The following SUGCT variants were observed in gnomAD, a reference collection of about 807,000 sequenced individuals.
SUGCT encodes succinyl-CoA:glutarate-CoA transferase.
SUGCT carries 41 observed loss-of-function variants against 55.0 expected under a neutral mutation model. The ratio of observed to expected loss-of-function variants is 0.74; its 90% CI spans 0.58 to 0.97. The LOEUF is 0.97. SUGCT is among the 50% of genes least tolerant of loss of function. The pLI, the probability that SUGCT is intolerant of heterozygous loss-of-function variation, is 0.00. For synonymous variants in SUGCT, 187 were observed against 200.4 expected, an observed-to-expected ratio of 0.93 and a Z score of 0.56; for missense variants, 568 against 547.8, an observed-to-expected ratio of 1.04 and a Z score of -0.37.
chr7:40,327,184 T>A (rs1298005513), intron 9 of SUGCT, among the ~76,000 whole-genome samples: 2 of 152,216 alleles, frequency 1.3e-5, no homozygotes, highest in Non-Finnish European at 1.5e-5. Context: ...GCCAGGTAGC[T>A]TTTGAATATT....
chr7:40,587,223 G>T (rs983859249), intron 12 of SUGCT, among the ~76,000 whole-genome samples: 5 of 152,128 alleles, frequency 3.3e-5, no homozygotes, highest in African/African-American at 1.2e-4. Flanking sequence ...GGTAGTAGTG[G>T]TTACATGACT....
At chr7:40,509,750 G>A (rs1435516336) in intron 12 of SUGCT, among the ~76,000 whole-genome samples, 1 of 152,012 alleles carries the variant, frequency 6.6e-6, no homozygotes, top group African/African-American at 2.4e-5. Flanking sequence ...AGTTAATCAT[G>A]TTACCACTTG....
chr7:40,792,642 G>T (rs1389437886), intron 13 of SUGCT, among the ~76,000 whole-genome samples: 1 of 152,116 alleles, frequency 6.6e-6, no homozygotes, highest in Non-Finnish European at 1.5e-5. Flanking sequence ...CCATGTAGTT[G>T]ACTGTAGGTG....
intron 12 of SUGCT, among the ~76,000 whole-genome samples, chr7:40,689,119 G>T (rs1784582076): frequency 6.6e-6 from 1 of 152,160 alleles, no homozygotes; most frequent in Non-Finnish European, 1.5e-5. Flanking sequence ...GCTTCTTGTA[G>T]GTTAAGACAT....
At chr7:40,980,343 G>A in the SUGCT span, among the ~76,000 whole-genome samples, 2 of 152,096 alleles carry the variant, frequency 1.3e-5, no homozygotes, top group Non-Finnish European at 2.9e-5. Flanking sequence ...CAAATATTCA[G>A]TCTATAGTAT....
intron 9 of SUGCT, among the ~76,000 whole-genome samples, chr7:40,384,606 A>G (rs1442379775): frequency 1.3e-5 from 2 of 151,486 alleles, no homozygotes; most frequent in African/African-American, 2.4e-5. Context: ...GCTGGAGTGC[A>G]GTAGCATGAT....
intron 9 of SUGCT, among the ~76,000 whole-genome samples, chr7:40,343,621 G>C (rs1797161998): frequency 1.3e-5 from 2 of 151,396 alleles, no homozygotes; most frequent in South Asian, 4.2e-4. Flanking sequence ...CTCTTCCTCT[G>C]AACATTTTTA....
chr7:40,981,603 C>G, the SUGCT span, among the ~76,000 whole-genome samples: 1 of 152,174 alleles, frequency 6.6e-6, no homozygotes, highest in South Asian at 2.1e-4. Flanking sequence ...CAATTTATCT[C>G]TTTCTTCACA....
At chr7:40,204,827 A>G (rs1223793778) in intron 6 of SUGCT, among the ~76,000 whole-genome samples, 7 of 151,520 alleles carry the variant, frequency 4.6e-5, no homozygotes, top group African/African-American at 1.7e-4. Flanking sequence ...CCAGCTACTC[A>G]GGAGGTGGAG....
intron 8 of SUGCT, among the ~76,000 whole-genome samples, chr7:40,284,811 C>A (rs574284984): frequency 6.6e-6 from 1 of 151,706 alleles, no homozygotes; most frequent in East Asian, 1.9e-4. Flanking sequence ...TAAAGACAAA[C>A]CAAAAAAGGA....
At chr7:40,971,523 G>A in the SUGCT span, among the ~76,000 whole-genome samples, 1 of 152,182 alleles carries the variant, frequency 6.6e-6, no homozygotes, top group Non-Finnish European at 1.5e-5. Flanking sequence ...TTTAAAAGGG[G>A]TTTATGCAGA....
intron 12 of SUGCT, among the ~76,000 whole-genome samples, chr7:40,665,303 A>G (rs1801561772): frequency 6.6e-6 from 1 of 151,706 alleles, no homozygotes; most frequent in African/African-American, 2.4e-5. Context: ...TTAGCCAAGC[A>G]TTGTGGCGTG....
At chr7:40,938,349 A>C in the SUGCT span, among the ~76,000 whole-genome samples, 17 of 148,924 alleles carry the variant, frequency 1.1e-4, no homozygotes, top group African/African-American at 4.2e-4. Flanking sequence ...AATATTTTCT[A>C]GTATATCATT....
chr7:40,618,840 T>G (rs925567195), intron 12 of SUGCT, among the ~76,000 whole-genome samples: 17 of 152,180 alleles, frequency 1.1e-4, no homozygotes, highest in African/African-American at 4.1e-4. Flanking sequence ...TAAATCTGAT[T>G]TTTCTGTTTC....
At chr7:40,519,337 A>G (rs1313084124) in intron 12 of SUGCT, among the ~76,000 whole-genome samples, 1 of 151,988 alleles carries the variant, frequency 6.6e-6, no homozygotes, top group Non-Finnish European at 1.5e-5. Context: ...AGTTAATAGC[A>G]TTTTGCCAAT....
At chr7:40,892,378 C>G in the SUGCT span, among the ~76,000 whole-genome samples, 1 of 151,800 alleles carries the variant, frequency 6.6e-6, no homozygotes, top group African/African-American at 2.4e-5. Context: ...GATAAAGAGA[C>G]AGAAATCAAA....
At chr7:40,761,683 T>C (rs186713663) in intron 13 of SUGCT, among the ~76,000 whole-genome samples, 24 of 152,292 alleles carry the variant, frequency 1.6e-4, no homozygotes, top group Non-Finnish European at 1.5e-5. Context: ...CCTTTTTCCC[T>C]CAGAGCGCTT....
rs766240579 is a variant in SUGCT, at chr7:40,393,286, C to CA, written c.817-56000dup. ...CCAATGGTATGTGGTATCAGAGAAA[C>CA]AGACACAATTTCAGAAAAATGTTAA... On this transcript the variant is annotated intron_variant, in intron 9 of 13. Transcript: ENST00000335693. Among the ~76,000 whole-genome samples, 86 of 152,242 alleles carry CA rather than the reference C, an allele frequency of 5.6e-4. 1 individual carries two copies. The highest frequency in any genetic ancestry group is 6.8e-3 in the Middle Eastern group (2 of 294).
At chr7:40,528,818 AG>A (rs1372217859) in intron 12 of SUGCT, among the ~76,000 whole-genome samples, 3 of 152,208 alleles carry the variant, frequency 2.0e-5, no homozygotes, top group Non-Finnish European at 4.4e-5. Context: ...CTTCTTGCAC[AG>A]GATCGACCCA....
Sources: gnomAD v4.1 joint callset for allele counts (sites outside exome capture counted in the v4.1 genomes callset) on GRCh38, gnomAD v4.1.1 for gene constraint, MANE v1.5 for transcripts, NCBI Gene and HGNC (gene_info 2026-07-23, HGNC 2026-07-21) for gene names.